CDKAL1: variants seen among roughly 807,000 people sequenced by gnomAD.
The protein encoded by CDKAL1 is CDKAL1 threonylcarbamoyladenosine tRNA methylthiotransferase.
Under a neutral mutation model 68.2 loss-of-function variants are expected in CDKAL1, and 32 were observed. That is an observed-to-expected ratio of 0.47 (90% CI 0.35 to 0.63). The LOEUF (loss-of-function observed/expected upper bound fraction) is 0.63. CDKAL1 is among the 30% of genes least tolerant of loss of function. The pLI, the probability that CDKAL1 is intolerant of heterozygous loss-of-function variation, is 0.00. For synonymous variants in CDKAL1, 234 were observed against 244.3 expected, an observed-to-expected ratio of 0.96 and a Z score of 0.39; for missense variants, 606 against 696.7, an observed-to-expected ratio of 0.87 and a Z score of 1.47.
chr6:21,221,681 A>G (rs985607429), intron 15 of CDKAL1, among the ~76,000 whole-genome samples: 1 of 152,140 alleles, frequency 6.6e-6, no homozygotes, highest in Non-Finnish European at 1.5e-5. Context: ...TCTAAACTCT[A>G]ATTTATCCTG....
chr6:21,180,833 A>G (rs1777759724), intron 13 of CDKAL1, among the ~76,000 whole-genome samples: 1 of 152,200 alleles, frequency 6.6e-6, no homozygotes, highest in South Asian at 2.1e-4. Context: ...TCTCTGCATT[A>G]GTTTGAATGT....
intron 10 of CDKAL1, among the ~76,000 whole-genome samples, chr6:20,997,071 G>T (rs992524785): frequency 6.6e-6 from 1 of 152,216 alleles, no homozygotes; most frequent in East Asian, 1.9e-4. Context: ...GTATTTAAAT[G>T]TTTAGTGGTG....
intron 9 of CDKAL1, among the ~76,000 whole-genome samples, chr6:20,941,965 T>C (rs4307160): frequency 0.097 from 14,727 of 152,308 alleles, 799 homozygotes; most frequent in Non-Finnish European, 0.12. Context: ...TAACATACTA[T>C]TTTAAAATAC....
chr6:20,577,395 C>T (rs1764957930), intron 4 of CDKAL1, among the ~76,000 whole-genome samples: 1 of 152,170 alleles, frequency 6.6e-6, no homozygotes, highest in Non-Finnish European at 1.5e-5. Flanking sequence ...TCTACAAAAG[C>T]TTCAGACTTC....
At chr6:20,891,825 G>A (rs979506680) in intron 9 of CDKAL1, among the ~76,000 whole-genome samples, 3 of 152,090 alleles carry the variant, frequency 2.0e-5, no homozygotes, top group Admixed American at 6.5e-5. Flanking sequence ...GAGCCACGGC[G>A]CCTGGCCCAT....
chr6:20,737,643 A>G (rs542207506), intron 5 of CDKAL1, among the ~76,000 whole-genome samples: 1 of 152,378 alleles, frequency 6.6e-6, no homozygotes, highest in African/African-American at 2.4e-5. Context: ...ATTTAATACA[A>G]GAAAAGTATT....
At chr6:20,595,136 A>T (rs2127705293) in intron 4 of CDKAL1, among the ~76,000 whole-genome samples, 1 of 152,106 alleles carries the variant, frequency 6.6e-6, no homozygotes, top group South Asian at 2.1e-4. Context: ...TGTGAATCTG[A>T]CGATTATGTG....
At chr6:21,117,364 C>T (rs750504848) in intron 13 of CDKAL1, among the ~76,000 whole-genome samples, 6 of 150,978 alleles carry the variant, frequency 4.0e-5, no homozygotes, top group Non-Finnish European at 5.9e-5. Flanking sequence ...TTGCAGAGCA[C>T]AGTTGGTTCT....
intron 9 of CDKAL1, among the ~76,000 whole-genome samples, chr6:20,915,260 A>G (rs891332573): frequency 1.3e-5 from 2 of 152,090 alleles, no homozygotes; most frequent in African/African-American, 2.4e-5. Flanking sequence ...TCAGTCAGAG[A>G]TCTTCAGAGC....
intron 5 of CDKAL1, among the ~76,000 whole-genome samples, chr6:20,650,169 A>G (rs2127761158): frequency 1.3e-5 from 2 of 152,326 alleles, no homozygotes; most frequent in Middle Eastern, 3.4e-3. Context: ...TAATTAATTT[A>G]CATTCCCACC....
At chr6:20,854,296 A>T (rs1392038999) in intron 9 of CDKAL1, among the ~76,000 whole-genome samples, 1 of 152,218 alleles carries the variant, frequency 6.6e-6, no homozygotes, top group Non-Finnish European at 1.5e-5. Context: ...TCAGGATGAG[A>T]TCTACTTGCT....
At chr6:20,842,446 AT>A (rs1370360505) in intron 8 of CDKAL1, among the ~76,000 whole-genome samples, 1 of 152,200 alleles carries the variant, frequency 6.6e-6, no homozygotes, top group Non-Finnish European at 1.5e-5. Flanking sequence ...CTCTTAAGAA[AT>A]TTTTACTTTC....
intron 9 of CDKAL1, among the ~76,000 whole-genome samples, chr6:20,911,836 T>G (rs1467570532): frequency 1.3e-5 from 2 of 152,226 alleles, no homozygotes; most frequent in Non-Finnish European, 2.9e-5. Context: ...TCCAGCATTT[T>G]AACAGTTAAT....
intron 11 of CDKAL1, among the ~76,000 whole-genome samples, chr6:21,061,824 T>C (rs1336564605): frequency 6.6e-6 from 1 of 152,208 alleles, no homozygotes; most frequent in Non-Finnish European, 1.5e-5. Context: ...GTGCAGTCTC[T>C]ACTTAAAAAA....
chr6:20,890,771 A>G (rs1561861459), intron 9 of CDKAL1, among the ~76,000 whole-genome samples: 1 of 152,206 alleles, frequency 6.6e-6, no homozygotes, highest in Admixed American at 6.5e-5. Context: ...TGTTTGGGAA[A>G]TATTGCATTT....
intron 11 of CDKAL1, among the ~76,000 whole-genome samples, chr6:21,008,612 A>G (rs13200036): frequency 0.075 from 11,445 of 152,266 alleles, 531 homozygotes; most frequent in East Asian, 0.21. Flanking sequence ...AGTATTCAAA[A>G]GCTATTGAGT....
At chr6:20,587,755 G>A (rs1200158244) in intron 4 of CDKAL1, among the ~76,000 whole-genome samples, 2 of 145,028 alleles carry the variant, frequency 1.4e-5, no homozygotes, top group African/African-American at 2.6e-5. Context: ...CAAACAAACC[G>A]CCCCCCTCAA....
At chr6:20,693,275 A>C (rs1770957237) in intron 5 of CDKAL1, among the ~76,000 whole-genome samples, 1 of 152,166 alleles carries the variant, frequency 6.6e-6, no homozygotes. Flanking sequence ...TTCCTTTTCA[A>C]ATATTTAATG....
At chr6:20,675,372 T>C (rs566635663) in intron 5 of CDKAL1, among the ~76,000 whole-genome samples, 4 of 152,350 alleles carry the variant, frequency 2.6e-5, no homozygotes, top group East Asian at 3.8e-4. Flanking sequence ...ATATGTTCTT[T>C]AGAAATTGGT....
Sources: gnomAD v4.1 joint callset for allele counts (sites outside exome capture counted in the v4.1 genomes callset) on GRCh38, gnomAD v4.1.1 for gene constraint, MANE v1.5 for transcripts, NCBI Gene and HGNC (gene_info 2026-07-23, HGNC 2026-07-21) for gene names.